Variants in SLC35F4 observed in about 807,000 individuals in gnomAD.
SLC35F4 encodes solute carrier family 35 member F4.
Under a neutral mutation model 44.2 loss-of-function variants are expected in SLC35F4, and 24 were observed. The ratio of observed to expected loss-of-function variants is 0.54; its 90% CI spans 0.39 to 0.76. The LOEUF is 0.76. Ranked by LOEUF, SLC35F4 falls within the 30% of genes least tolerant of loss-of-function variation. The probability of loss-of-function intolerance (pLI) is 0.00; values close to 1 mark genes in which losing one functional copy is unlikely to be tolerated. For missense variants in SLC35F4, 562 were observed against 586.1 expected (o/e 0.96, Z 0.42); for synonymous variants, 238 against 223.6 (o/e 1.06, Z -0.57).
intron 1 of SLC35F4, among the ~76,000 whole-genome samples, chr14:57,751,936 C>CTCTCTG (rs1491199448): frequency 1.3e-4 from 17 of 134,996 alleles, no homozygotes; most frequent in African/African-American, 4.6e-4. Flanking sequence ...CTCTCTCTCT[C>CTCTCTG]TGTGTGTGTG....
intron 1 of SLC35F4, among the ~76,000 whole-genome samples, chr14:57,718,683 C>G (rs1432630807): frequency 6.6e-6 from 1 of 152,144 alleles, no homozygotes; most frequent in Non-Finnish European, 1.5e-5. Context: ...CATTTTTAAA[C>G]TGGATTATTA....
chr14:57,782,467 C>A (rs2077647117), intron 1 of SLC35F4, among the ~76,000 whole-genome samples: 1 of 151,872 alleles, frequency 6.6e-6, no homozygotes, highest in Non-Finnish European at 1.5e-5. Flanking sequence ...AAAACGTACA[C>A]AAATATGCTA....
At chr14:57,914,843 T>C (rs1889285504) in intron 1 of SLC35F4, among the ~76,000 whole-genome samples, 1 of 152,018 alleles carries the variant, frequency 6.6e-6, no homozygotes. Context: ...TGGCTTGGAG[T>C]TGCACACTGG....
intron 1 of SLC35F4, among the ~76,000 whole-genome samples, chr14:57,845,509 C>T (rs1441723685): frequency 6.6e-6 from 1 of 152,194 alleles, no homozygotes; most frequent in East Asian, 1.9e-4. Context: ...AAGCCTCAAA[C>T]ATTACTCTGC....
chr14:57,623,891 C>A (rs993977121), intron 1 of SLC35F4, among the ~76,000 whole-genome samples: 2 of 152,080 alleles, frequency 1.3e-5, no homozygotes, highest in Non-Finnish European at 1.5e-5. Flanking sequence ...ATTAAAAGAA[C>A]TAGAGAAGCA....
chr14:57,862,555 A>T (rs1887771790), intron 1 of SLC35F4, among the ~76,000 whole-genome samples: 1 of 152,196 alleles, frequency 6.6e-6, no homozygotes, highest in Non-Finnish European at 1.5e-5. Context: ...CACTTCAGCC[A>T]TACAGGCCTC....
At position 57,654,299 on chromosome 14, in the gene SLC35F4, G is replaced by A. The variant is rs574340326; in HGVS notation, c.104-60175C>T. Among the ~76,000 whole-genome samples, 7 of 152,060 alleles carry A rather than the reference G, an allele frequency of 4.6e-5. No homozygotes were observed. The South Asian group carries it at 6.2e-4, about 14-fold the overall frequency. The stretch of plus-strand genomic sequence containing the variant: ...CATTGTATCATTCTTATGCCTTTGC[G>A]TCCTCATAGCTTAGCTCTGACTTAT... On this transcript the variant is annotated intron_variant, in intron 1 of 7. Transcript: ENST00000556826.
At chr14:57,975,227 A>G (rs750802105), downstream of SLC35F4, among the ~76,000 whole-genome samples, 5 of 152,202 alleles carry the variant, frequency 3.3e-5, no homozygotes, top group African/African-American at 1.2e-4. Context: ...AATCCTACGT[A>G]GCAGGAACAG....
intron 1 of SLC35F4, among the ~76,000 whole-genome samples, chr14:57,911,497 G>C (rs958808993): frequency 2.0e-5 from 3 of 151,850 alleles, no homozygotes; most frequent in Non-Finnish European, 2.9e-5. Flanking sequence ...ATCATGAATG[G>C]GTGTTGGATT....
chr14:57,897,275 G>A (rs143430464), intron 1 of SLC35F4, among the ~76,000 whole-genome samples: 1 of 152,158 alleles, frequency 6.6e-6, no homozygotes, highest in East Asian at 1.9e-4. Context: ...CCTTAGCATT[G>A]TGTGGGAAAG....
At chr14:57,904,192 T>C (rs561318438) in intron 1 of SLC35F4, among the ~76,000 whole-genome samples, 6 of 152,226 alleles carry the variant, frequency 3.9e-5, no homozygotes, top group Non-Finnish European at 8.8e-5. Context: ...CATTTCACCA[T>C]AAAACTGTCA....
At chr14:57,679,450 C>CCT (rs1594779599) in intron 1 of SLC35F4, among the ~76,000 whole-genome samples, 2 of 151,720 alleles carry the variant, frequency 1.3e-5, no homozygotes, top group East Asian at 3.9e-4. Flanking sequence ...CACCCTAATA[C>CCT]CACAATTAAA....
intron 1 of SLC35F4, among the ~76,000 whole-genome samples, chr14:57,937,601 AAAAGAAAAG>A (rs1453736023): frequency 2.3e-5 from 1 of 43,568 alleles, no homozygotes; most frequent in African/African-American, 1.0e-4. Flanking sequence ...AAAAGAAAAG[AAAAGAAAAG>A]AAAAGAAAAG....
chr14:57,973,151 C>T (rs1019393327), downstream of SLC35F4, among the ~76,000 whole-genome samples: 1 of 152,198 alleles, frequency 6.6e-6, no homozygotes, highest in Non-Finnish European at 1.5e-5. Flanking sequence ...AGTTCAGGCT[C>T]CTTGATGCCC....
chr14:57,937,340 T>C (rs1438639346), intron 1 of SLC35F4, among the ~76,000 whole-genome samples: 1 of 152,056 alleles, frequency 6.6e-6, no homozygotes, highest in Non-Finnish European at 1.5e-5. Flanking sequence ...AGTGCCGGGA[T>C]TACAGGCGCG....
intron 1 of SLC35F4, among the ~76,000 whole-genome samples, chr14:57,957,530 C>T (rs998740199): frequency 1.2e-4 from 18 of 152,054 alleles, no homozygotes; most frequent in Non-Finnish European, 2.4e-4. Context: ...TCAATACTCA[C>T]GGCACTTTCT....
At chr14:57,625,509 A>G (rs1182916977) in intron 1 of SLC35F4, among the ~76,000 whole-genome samples, 2 of 152,214 alleles carry the variant, frequency 1.3e-5, no homozygotes, top group East Asian at 1.9e-4. Context: ...TCCTAAGTAA[A>G]AAGAACAAAG....
At position 57,744,520 on chromosome 14, in the gene SLC35F4, G is replaced by A. The variant is rs369342015; in HGVS notation, c.103+121203C>T. Among the ~76,000 whole-genome samples, 4 of 151,906 alleles carry A rather than the reference G, an allele frequency of 2.6e-5. No homozygotes were observed. In the East Asian group the frequency reaches 7.7e-4, roughly 29 times the overall value. On this transcript the variant is annotated intron_variant, in intron 1 of 7. Transcript: ENST00000556826. ...AATGCCTAGGAATCCAACTTACAAG[G>A]GACATGAGGGACCTCTTCAAGGAGA...
intron 4 of SLC35F4, among the ~76,000 whole-genome samples, chr14:57,575,189 A>T (rs1368588849): frequency 6.6e-6 from 1 of 152,136 alleles, no homozygotes; most frequent in Non-Finnish European, 1.5e-5. Flanking sequence ...AATAAGATGG[A>T]AAACTAGGCC....
Sources: allele counts gnomAD v4.1 joint callset (sites outside exome capture counted in the v4.1 genomes callset), GRCh38; gene constraint gnomAD v4.1.1; transcripts MANE v1.5; gene names NCBI Gene and HGNC (gene_info 2026-07-23, HGNC 2026-07-21).